The following RRM1 variants were observed in gnomAD, a reference collection of about 807,000 sequenced individuals.
The protein encoded by RRM1 is ribonucleoside-diphosphate reductase large subunit.
RRM1 carries 19 observed loss-of-function variants against 101.5 expected under a neutral mutation model. The ratio of observed to expected loss-of-function variants is 0.19; its 90% CI spans 0.13 to 0.27. RRM1 has a LOEUF of 0.27. Among genes scored for constraint, RRM1 ranks in the 10% least tolerant of loss-of-function variants. The pLI is 1.00. For missense variants in RRM1, 500 were observed against 962.9 expected, an observed-to-expected ratio of 0.52 and a Z score of 6.36; for synonymous variants, 298 against 323.4, an observed-to-expected ratio of 0.92 and a Z score of 0.84.
intron 7 of RRM1, 126 bp downstream of exon 7, chr11:4,112,188 G>A: frequency 1.5e-6 from 1 of 664,104 alleles, no homozygotes; most frequent in African/African-American, 1.8e-5. Context: ...TTTAGATTCT[G>A]GAAAGATCTC....
chr11:4,101,820 C>T, intron 1 of RRM1, 173 bp from the exon 2 acceptor site: 2 of 584,928 alleles, frequency 3.4e-6, no homozygotes, highest in East Asian at 2.9e-5. Flanking sequence ...TTGAAGGTGA[C>T]ATCAGAGAAG....
chr11:4,134,949 CAT>C (rs2094606511), intron 17 of RRM1, 131 bp from the exon 18 acceptor site: 1 of 575,566 alleles, frequency 1.7e-6, no homozygotes, highest in Non-Finnish European at 2.9e-6. Context: ...AGGATCATAT[CAT>C]ATGATACTGA....
intron 15 of RRM1, among the ~76,000 whole-genome samples, chr11:4,130,516 C>G (rs1176129517): frequency 6.6e-6 from 1 of 151,872 alleles, no homozygotes; most frequent in Non-Finnish European, 1.5e-5. Context: ...GGCAACATGG[C>G]GAAACTTAGT....
chr11:4,107,927 T>G (rs1229240192), intron 4 of RRM1, among the ~76,000 whole-genome samples: 1 of 152,244 alleles, frequency 6.6e-6, no homozygotes, highest in African/African-American at 2.4e-5. Flanking sequence ...TGTATGTATG[T>G]GTAAGAATTC....
intron 2 of RRM1, 67 bp downstream of exon 2, chr11:4,102,148 C>A: frequency 1.2e-6 from 1 of 827,452 alleles, no homozygotes; most frequent in Non-Finnish European, 2.1e-6. Context: ...GTCTCTTATC[C>A]CTGGACCTTC....
intron 1 of RRM1, among the ~76,000 whole-genome samples, chr11:4,101,706 A>G (rs1384872906): frequency 2.6e-5 from 4 of 152,150 alleles, no homozygotes. Context: ...TAATGATATG[A>G]TTCTGAGTTT....
Position 4,127,242 on chromosome 11 carries a change from C to G in RRM1, c.1678C>G (p.Pro560Ala). 1 of 1,590,612 alleles carries G rather than the reference C, an allele frequency of 6.3e-7. No individual in the cohort carries two copies. The highest frequency in any genetic ancestry group is 2.2e-5 in the East Asian group (1 of 44,726). ...QGPYETYEGS[P>A]VSKGILQYDM... The stretch of plus-strand genomic sequence containing the variant: ...CCCATACGAAACCTATGAGGGCTCT[C>G]CAGTTAGCAAAGGAGTAAGTATATG... The change falls in exon 14 of 19, where the codon CCA (proline) becomes GCA (alanine). Residue 560 changes from proline to alanine, a missense_variant. Around this residue, in one of 9 missense-constraint regions of RRM1, gnomAD observed 106 missense variants for 138.1 expected, o/e 0.77. Coordinates refer to ENST00000300738, the MANE Select transcript of RRM1 (RefSeq NM_001033.5).
intron 11 of RRM1, 139 bp from the exon 12 acceptor site, chr11:4,123,044 T>C (rs1041743742): frequency 1.8e-5 from 13 of 709,574 alleles, no homozygotes; most frequent in Non-Finnish European, 2.7e-5. Context: ...AAAATAAATA[T>C]CATATTCCTT....
chr11:4,133,957 C>T (rs2584874), intron 17 of RRM1, among the ~76,000 whole-genome samples: 9 of 144,412 alleles, frequency 6.2e-5, no homozygotes, highest in Non-Finnish European at 1.4e-4. Context: ...AATTAAATGT[C>T]TAGGAACAGG....
Position 4,126,540 on chromosome 11 carries a change from C to G in RRM1, c.1321-144C>G, listed in dbSNP as rs1479432721. ...AGAATCAGTGGGATTTAGAAATGGA[C>G]TGATGAATGATGAAGAGGGAGAAGT... On this transcript the variant is annotated intron_variant, in intron 12 of 18. Coordinates refer to ENST00000300738, the MANE Select transcript of RRM1 (RefSeq NM_001033.5). 15 of 664,590 alleles carry G rather than the reference C, an allele frequency of 2.3e-5. No individual in the cohort carries two copies. The East Asian group carries it at 3.9e-4, about 17-fold the overall frequency. The allele number at this position is 664,590 out of a possible 1,614,324, so 41.2% of individuals were successfully genotyped here. A position where few individuals can be genotyped will look rare whatever the true frequency, so the allele number is the denominator to read the frequency against.
chr11:4,095,284 C>A (rs2094542056), intron 1 of RRM1, among the ~76,000 whole-genome samples: 1 of 152,244 alleles, frequency 6.6e-6, no homozygotes, highest in Non-Finnish European at 1.5e-5. Flanking sequence ...AACACTTACC[C>A]CGTATCGAGT....
At chr11:4,126,638 T>C in intron 12 of RRM1, 46 bp from the exon 13 acceptor site, 1 of 1,566,536 alleles carries the variant, frequency 6.4e-7, no homozygotes, top group Non-Finnish European at 8.7e-7. Flanking sequence ...ACACAGGAAG[T>C]AGAAATAAAA....
intron 16 of RRM1, 120 bp from the exon 17 acceptor site, chr11:4,133,443 A>G (rs2133323864): frequency 3.5e-6 from 2 of 574,942 alleles, no homozygotes; most frequent in East Asian, 3.1e-5. Flanking sequence ...GATAGAATTT[A>G]CCAAGCAATC....
rs866902 is a variant in RRM1 at position 4,138,540 on chromosome 11, AT to A, written c.*167del. 0.89 allele frequency: 350,852 copies of A among 393,872 alleles called. 156,723 individuals are homozygous for A. Among genetic ancestry groups the A allele is most frequent in the South Asian group, 0.93 (6,722 of 7,246 alleles). 24.4% of individuals were successfully genotyped at this position (393,872 alleles called of 1,614,324 possible). Reference sequence around the variant, plus strand: ...TAAAGTACTGTTAATGATGATAATGATTTTTTTTTTAAACTCATATATTGGG... The same window carrying A: ...TAAAGTACTGTTAATGATGATAATGATTTTTTTTTAAACTCATATATTGGG... On this transcript the variant is annotated 3_prime_UTR_variant, in exon 19 of 19. Coordinates refer to ENST00000300738, the MANE Select transcript of RRM1 (RefSeq NM_001033.5).
At chr11:4,129,173 G>A (rs776937867) in intron 15 of RRM1, 23 bp downstream of exon 15, 19 of 1,432,978 alleles carry the variant, frequency 1.3e-5, no homozygotes, top group Non-Finnish European at 1.7e-5. Context: ...ATGTAAAGTA[G>A]CTTTGAAGGC....
chr11:4,136,065 T>C (rs2094609147), intron 18 of RRM1, among the ~76,000 whole-genome samples: 1 of 151,888 alleles, frequency 6.6e-6, no homozygotes, highest in South Asian at 2.1e-4. Context: ...ATAAAAATGT[T>C]TGACCTTTCC....
chr11:4,111,940 T>C lies in RRM1; in HGVS notation c.528T>C (p.Val176=), dbSNP rs2094566138. 6.2e-7 allele frequency: 1 copy of C among 1,614,040 alleles called. No homozygotes were observed. The highest frequency in any genetic ancestry group is 1.3e-5 in the African/African-American group (1 of 74,928). ...RPQHMLMRVS[V]GIHKEDIDAA... is the part of the protein sequence containing the mutation. ...AACATATGTTGATGAGAGTATCTGT[T>C]GGGATCCACAAAGAAGACATTGATG... Residue 176 remains valine, a synonymous_variant, in exon 7 of 19, where the codon GTT becomes GTC. Coordinates refer to ENST00000300738, the MANE Select transcript of RRM1 (RefSeq NM_001033.5).
At chr11:4,119,538 G>A (rs1249794242) in intron 8 of RRM1, among the ~76,000 whole-genome samples, 1 of 152,020 alleles carries the variant, frequency 6.6e-6, no homozygotes, top group Non-Finnish European at 1.5e-5. Flanking sequence ...TTTATATAAC[G>A]ACCTTTAGAA....
chr11:4,114,971 C>A (rs2094570737), intron 7 of RRM1, among the ~76,000 whole-genome samples: 1 of 152,086 alleles, frequency 6.6e-6, no homozygotes, highest in Non-Finnish European at 1.5e-5. Flanking sequence ...CCTTGGCCTC[C>A]CGAAGTGCTG....
Sources: gnomAD v4.1 joint callset for allele counts (sites outside exome capture counted in the v4.1 genomes callset) on GRCh38, gnomAD v4.1.1 for gene constraint, gnomAD v4.1.1 regional missense constraint, MANE v1.5 for transcripts, NCBI Gene and HGNC (gene_info 2026-07-23, HGNC 2026-07-21) for gene names.